DHX30: variants seen among roughly 807,000 people sequenced by gnomAD.
DHX30 encodes ATP-dependent RNA helicase DHX30.
In DHX30, 4 loss-of-function variants were observed where a neutral mutation model predicts 116.9. The ratio of observed to expected loss-of-function variants is 0.03; its 90% CI spans 0.02 to 0.08. The LOEUF (loss-of-function observed/expected upper bound fraction) is 0.08, where lower values mean the gene tolerates loss of function less well. Among genes scored for constraint, DHX30 ranks in the 10% least tolerant of loss-of-function variants. The pLI, the probability that DHX30 is intolerant of heterozygous loss-of-function variation, is 1.00. For synonymous variants in DHX30, 697 were observed against 651.7 expected (o/e 1.07, Z -1.06); for missense variants, 871 against 1,595.1 (o/e 0.55, Z 7.73).
chr3:47,814,429 CAAAAAAAA>C (rs71625837), intron 3 of DHX30, among the ~76,000 whole-genome samples: 11 of 92,628 alleles, frequency 1.2e-4, no homozygotes, highest in Admixed American at 4.3e-4. Context: ...TGTCTCAAAA[CAAAAAAAA>C]AAAAAAAAAA....
chr3:47,832,579 A>G (rs977072426), intron 6 of DHX30, among the ~76,000 whole-genome samples: 5 of 151,642 alleles, frequency 3.3e-5, no homozygotes, highest in Non-Finnish European at 5.9e-5. Context: ...GGTCTACCTC[A>G]GTGATTCTCA....
At chr3:47,840,198 C>T (rs1441148503) in intron 6 of DHX30, among the ~76,000 whole-genome samples, 7 of 150,646 alleles carry the variant, frequency 4.6e-5, no homozygotes, top group African/African-American at 1.2e-4. Context: ...AGGGTTTCAC[C>T]GTGTTGGCCA....
intron 3 of DHX30, among the ~76,000 whole-genome samples, chr3:47,813,788 G>A (rs1026268938): frequency 2.0e-5 from 3 of 151,872 alleles, no homozygotes; most frequent in Non-Finnish European, 4.4e-5. Flanking sequence ...AGGGCTGGAC[G>A]TACTAGGGCT....
intron 6 of DHX30, among the ~76,000 whole-genome samples, chr3:47,833,537 C>CA (rs71070236): frequency 0.13 from 8,148 of 62,406 alleles, 1,665 homozygotes; most frequent in African/African-American, 0.44. Flanking sequence ...CTCTCTCTCT[C>CA]AAAAAAAAAA....
chr3:47,805,007 A>G (rs1403977369), intron 1 of DHX30, among the ~76,000 whole-genome samples: 2 of 152,194 alleles, frequency 1.3e-5, no homozygotes, highest in Non-Finnish European at 2.9e-5. Flanking sequence ...TGGGATTAGA[A>G]CTCAAAGTGG....
intron 8 of DHX30, chr3:47,842,593 A>G (rs1332625137): frequency 6.6e-6 from 1 of 152,666 alleles, no homozygotes; most frequent in Non-Finnish European, 1.5e-5. Flanking sequence ...TATAAAAGTT[A>G]ATCGAGCCCC....
intron 21 of DHX30, 49 bp downstream of exon 21, chr3:47,849,818 C>G (rs375215717): frequency 1.6e-5 from 25 of 1,607,936 alleles, no homozygotes; most frequent in Non-Finnish European, 2.1e-5. Context: ...GCTGCTCCTC[C>G]GGGGCCTGGC....
chr3:47,818,339 G>A (rs1441981291), intron 4 of DHX30, among the ~76,000 whole-genome samples: 1 of 152,168 alleles, frequency 6.6e-6, no homozygotes, highest in Non-Finnish European at 1.5e-5. Context: ...GTCTTCTTGG[G>A]CCTCCTTGTG....
chr3:47,821,869 G>T (rs773220868), intron 4 of DHX30, among the ~76,000 whole-genome samples: 1 of 152,190 alleles, frequency 6.6e-6, no homozygotes, highest in African/African-American at 2.4e-5. Context: ...AAAGTGCTGG[G>T]ATGACAGGCA....
At chr3:47,845,337 GC>G (rs1161945958) in intron 9 of DHX30, among the ~76,000 whole-genome samples, 1 of 151,840 alleles carries the variant, frequency 6.6e-6, no homozygotes, top group African/African-American at 2.4e-5. Context: ...ATAGGTGCCG[GC>G]CCCCCACCTG....
At chr3:47,841,300 G>GC in intron 7 of DHX30, 122 bp downstream of exon 7, 1 of 1,397,898 alleles carries the variant, frequency 7.2e-7, no homozygotes, top group South Asian at 1.3e-5. Context: ...CAGCCTGTGT[G>GC]CCCCATCACT....
At chr3:47,845,558 C>A (rs759487290) in intron 9 of DHX30, 142 bp from the exon 10 acceptor site, 102 of 852,516 alleles carry the variant, frequency 1.2e-4, no homozygotes, top group Non-Finnish European at 1.6e-4. Context: ...CATAATTTCT[C>A]CCTCCATCAC....
chr3:47,847,763 G>A lies in DHX30; in HGVS notation c.2111-18G>A. On this transcript the variant is annotated intron_variant, in intron 13 of 21. Coordinates refer to ENST00000445061, the MANE Select transcript of DHX30 (RefSeq NM_138615.3). The surrounding 1 kb of genome is among the most constrained non-coding windows in gnomAD (Gnocchi z 5.5). ...GGTGGAAGCAGTGCCCATAACTGGT[G>A]TGTGTCTTGCCCACCAGTGCACTCC... 6.2e-7 allele frequency: 1 copy of A among 1,609,480 alleles called. No individual in the cohort carries two copies.
At chr3:47,818,647 T>C (rs532845218) in intron 4 of DHX30, among the ~76,000 whole-genome samples, 1 of 152,134 alleles carries the variant, frequency 6.6e-6, no homozygotes, top group Non-Finnish European at 1.5e-5. Context: ...GTCCTTTTGA[T>C]TGGGGAGAAT....
chr3:47,824,526 A>G (rs1007327757), intron 4 of DHX30, among the ~76,000 whole-genome samples: 2 of 152,118 alleles, frequency 1.3e-5, no homozygotes, highest in African/African-American at 4.8e-5. Flanking sequence ...TCCTGGGCTC[A>G]GGGGATCCAT....
In DHX30 at chr3:47,846,381, G is replaced by T; in HGVS notation, c.1309G>T (p.Asp437Tyr). 6.2e-7 allele frequency: 1 copy of T among 1,614,082 alleles called. No individual in the cohort carries two copies. Among genetic ancestry groups the T allele is most frequent in the African/African-American group, 1.3e-5 (1 of 75,076 alleles). ...GCAGGAGGCCCCCCAGCTACCTGTG[G>T]ACCCACATCGGGACACCATCCTCAA... ...VWQEAPQLPV[D>Y]PHRDTILNAI... The change falls in exon 11 of 22, where the codon GAC becomes TAC. Residue 437 changes from aspartate to tyrosine, a missense_variant. Asp to Tyr is a radical substitution (Grantham distance 160). This residue lies in a region of DHX30 where 175 missense variants were observed against 292.9 expected (regional missense o/e 0.60). Transcript: ENST00000445061.
intron 6 of DHX30, among the ~76,000 whole-genome samples, chr3:47,829,873 G>A (rs528145847): frequency 9.3e-4 from 141 of 150,932 alleles, no homozygotes; most frequent in African/African-American, 3.2e-3. Context: ...ACGGAGTCTC[G>A]CTCTGTTGCC....
intron 6 of DHX30, among the ~76,000 whole-genome samples, chr3:47,832,075 TC>T (rs988737198): frequency 1.3e-5 from 2 of 151,334 alleles, no homozygotes; most frequent in African/African-American, 2.4e-5. Flanking sequence ...CCAGTTAATA[TC>T]TTTTTTTTTT....
chr3:47,837,974 A>G (rs2107091358), intron 6 of DHX30, among the ~76,000 whole-genome samples: 1 of 152,284 alleles, frequency 6.6e-6, no homozygotes, highest in South Asian at 2.1e-4. Context: ...GGCCAGGACC[A>G]GCAGTGAGCC....
Sources: gnomAD v4.1 joint callset for allele counts (sites outside exome capture counted in the v4.1 genomes callset) on GRCh38, gnomAD v4.1.1 for gene constraint, gnomAD v4.1.1 regional missense constraint, Gnocchi (gnomAD v3.1) non-coding constraint, MANE v1.5 for transcripts, NCBI Gene and HGNC (gene_info 2026-07-23, HGNC 2026-07-21) for gene names.